Variants in MTHFD1L observed in about 807,000 individuals in gnomAD.
The protein encoded by MTHFD1L is methylenetetrahydrofolate dehydrogenase (NADP+ dependent) 1 like.
Under a neutral mutation model 119.5 loss-of-function variants are expected in MTHFD1L, and 81 were observed. That is an observed-to-expected ratio of 0.68 (90% CI 0.57 to 0.82). The LOEUF (loss-of-function observed/expected upper bound fraction) is 0.82, where lower values mean the gene tolerates loss of function less well. Among genes scored for constraint, MTHFD1L ranks in the 40% least tolerant of loss-of-function variants. MTHFD1L has a pLI of 0.00. For synonymous variants in MTHFD1L, 430 were observed against 475.2 expected (o/e 0.90, Z 1.24); for missense variants, 1,125 against 1,253.4 (o/e 0.90, Z 1.55).
intron 11 of MTHFD1L, among the ~76,000 whole-genome samples, chr6:150,927,876 T>C (rs1790314058): frequency 6.6e-6 from 1 of 152,136 alleles, no homozygotes; most frequent in African/African-American, 2.4e-5. Flanking sequence ...CATCAATAAG[T>C]GCTACCCTGG....
chr6:151,038,028 T>C (rs918189406), intron 26 of MTHFD1L, among the ~76,000 whole-genome samples: 3 of 152,240 alleles, frequency 2.0e-5, no homozygotes, highest in African/African-American at 7.2e-5. Flanking sequence ...AATAGATAGA[T>C]AAAAAGTGCA....
Position 150,881,275 on chromosome 6 carries a change from A to G in MTHFD1L, c.418-1487A>G, listed in dbSNP as rs1781357101. 2.0e-5 allele frequency among the ~76,000 whole-genome samples: 3 copies of G among 152,190 alleles called. No homozygotes were observed. In the South Asian group the frequency reaches 6.2e-4, roughly 32 times the overall value. The stretch of plus-strand genomic sequence containing the variant: ...GAGTTGATTTTTATAGAAGTGAGCG[A>G]TGAGGGCCTACTTTCATTCTTCTGC... On this transcript the variant is annotated intron_variant, in intron 4 of 27. Coordinates refer to ENST00000367321, the MANE Select transcript of MTHFD1L (RefSeq NM_015440.5).
At chr6:151,062,538 A>G (rs916047453) in intron 26 of MTHFD1L, among the ~76,000 whole-genome samples, 42 of 152,342 alleles carry the variant, frequency 2.8e-4, no homozygotes, top group African/African-American at 9.9e-4. Context: ...TAAATGGGAC[A>G]AAGTCTTTGC....
intron 27 of MTHFD1L, among the ~76,000 whole-genome samples, chr6:151,096,691 A>G (rs1283149543): frequency 3.3e-5 from 5 of 152,198 alleles, no homozygotes; most frequent in Non-Finnish European, 5.9e-5. Context: ...TGGTGTGCAT[A>G]CCCAGGTGCG....
At chr6:151,043,666 G>C (rs1209667954) in intron 26 of MTHFD1L, among the ~76,000 whole-genome samples, 2 of 152,166 alleles carry the variant, frequency 1.3e-5, no homozygotes, top group Non-Finnish European at 2.9e-5. Context: ...ACTTCGCATT[G>C]AGGCAGTGAG....
At chr6:151,019,158 G>A (rs1783577972) in intron 24 of MTHFD1L, among the ~76,000 whole-genome samples, 1 of 151,250 alleles carries the variant, frequency 6.6e-6, no homozygotes, top group Non-Finnish European at 1.5e-5. Flanking sequence ...ACATGCCAGA[G>A]CCTTTCTACA....
chr6:150,871,920 C>T (rs941095850), intron 1 of MTHFD1L, among the ~76,000 whole-genome samples: 2 of 150,332 alleles, frequency 1.3e-5, no homozygotes, highest in Non-Finnish European at 2.9e-5. Context: ...CTCTTTCACC[C>T]AGGCTGGAGT....
chr6:151,091,386 G>C (rs867922534), intron 26 of MTHFD1L, among the ~76,000 whole-genome samples: 1 of 152,186 alleles, frequency 6.6e-6, no homozygotes, highest in African/African-American at 2.4e-5. Flanking sequence ...GGAGCCCCAG[G>C]ATCTAGACCC....
At chr6:151,087,298 A>T (rs1350853685) in intron 26 of MTHFD1L, among the ~76,000 whole-genome samples, 1 of 149,088 alleles carries the variant, frequency 6.7e-6, no homozygotes, top group Non-Finnish European at 1.5e-5. Flanking sequence ...AATAAATAAT[A>T]AAATTGTGAT....
intron 11 of MTHFD1L, among the ~76,000 whole-genome samples, chr6:150,932,874 A>AGAAGGAAGGAAG (rs55963703): frequency 4.7e-4 from 68 of 145,100 alleles, no homozygotes; most frequent in East Asian, 1.2e-3. Flanking sequence ...CCTTAAGGAA[A>AGAAGGAAGGAAG]GAAGGAAGGA....
At chr6:151,062,669 TAAATC>T (rs1450100341) in intron 26 of MTHFD1L, among the ~76,000 whole-genome samples, 1 of 152,072 alleles carries the variant, frequency 6.6e-6, no homozygotes. Context: ...GAAATGAAAA[TAAATC>T]AAACTCAAAA....
At chr6:150,928,413 G>A (rs1269363253) in intron 11 of MTHFD1L, among the ~76,000 whole-genome samples, 1 of 138,536 alleles carries the variant, frequency 7.2e-6, no homozygotes, top group Non-Finnish European at 1.5e-5. Flanking sequence ...TCCAGCCTAG[G>A]TGACAGAGCA....
At chr6:150,911,483 A>G (rs1786871673) in intron 8 of MTHFD1L, among the ~76,000 whole-genome samples, 1 of 152,176 alleles carries the variant, frequency 6.6e-6, no homozygotes, top group Non-Finnish European at 1.5e-5. Flanking sequence ...TAATTTATAA[A>G]GAAAAGAAGT....
intron 20 of MTHFD1L, among the ~76,000 whole-genome samples, chr6:150,979,490 G>GT (rs895759633): frequency 7.9e-5 from 12 of 151,938 alleles, no homozygotes; most frequent in African/African-American, 1.2e-4. Flanking sequence ...TTGGGGGACA[G>GT]TTTTTTAATT....
intron 20 of MTHFD1L, among the ~76,000 whole-genome samples, chr6:150,973,124 T>C (rs1260486779): frequency 1.3e-5 from 2 of 152,258 alleles, no homozygotes; most frequent in Non-Finnish European, 2.9e-5. Context: ...CGTATACCTA[T>C]AATCGGAGAC....
At chr6:150,896,985 C>T (rs1374059128) in intron 7 of MTHFD1L, among the ~76,000 whole-genome samples, 1 of 151,660 alleles carries the variant, frequency 6.6e-6, no homozygotes, top group Admixed American at 6.6e-5. Flanking sequence ...GGTGTGGTGG[C>T]AGGCACCTGA....
intron 26 of MTHFD1L, among the ~76,000 whole-genome samples, chr6:151,067,654 C>T (rs1584385977): frequency 6.6e-6 from 1 of 152,192 alleles, no homozygotes; most frequent in Non-Finnish European, 1.5e-5. Flanking sequence ...ATTTGTGTTA[C>T]GTTCATGAGT....
At chr6:150,934,935 A>T in intron 11 of MTHFD1L, 1 of 1,519,170 alleles carries the variant, frequency 6.6e-7, no homozygotes, top group Non-Finnish European at 8.8e-7. Flanking sequence ...AGAGAAAAGC[A>T]TTTCAATTTG....
At chr6:151,033,494 A>T (rs1272923540) in intron 24 of MTHFD1L, among the ~76,000 whole-genome samples, 3 of 152,184 alleles carry the variant, frequency 2.0e-5, no homozygotes, top group African/African-American at 7.2e-5. Flanking sequence ...GAATTACTTT[A>T]TCTGTGGAAT....
Sources: allele counts gnomAD v4.1 joint callset (sites outside exome capture counted in the v4.1 genomes callset), GRCh38; gene constraint gnomAD v4.1.1; transcripts MANE v1.5; gene names NCBI Gene and HGNC (gene_info 2026-07-23, HGNC 2026-07-21).